The following ARRB1 variants were observed in gnomAD, a reference collection of about 807,000 sequenced individuals.
ARRB1 encodes the protein arrestin beta 1.
ARRB1 carries 21 observed loss-of-function variants against 56.8 expected under a neutral mutation model. The ratio of observed to expected loss-of-function variants is 0.37; its 90% CI spans 0.26 to 0.53. The LOEUF is 0.53. Ranked by LOEUF, ARRB1 falls within the 20% of genes least tolerant of loss-of-function variation. The probability of loss-of-function intolerance (pLI) is 0.88; values close to 1 mark genes in which losing one functional copy is unlikely to be tolerated. For missense variants in ARRB1, 424 were observed against 553.7 expected (o/e 0.77, Z 2.35); for synonymous variants, 210 against 218.6 (o/e 0.96, Z 0.35).
chr11:75,277,046 C>T, intron 9 of ARRB1, 135 bp from the exon 10 acceptor site: 1 of 804,094 alleles, frequency 1.2e-6, no homozygotes, highest in Non-Finnish European at 2.1e-6. Context: ...CTGCATAAGA[C>T]CACCCCTGTC....
chr11:75,319,996 A>C (rs1947321062), intron 1 of ARRB1, among the ~76,000 whole-genome samples: 1 of 152,022 alleles, frequency 6.6e-6, no homozygotes, highest in Admixed American at 6.6e-5. Flanking sequence ...TTGGCTGTGA[A>C]CTCCCCAGGA....
At chr11:75,315,838 G>A (rs548501908) in intron 1 of ARRB1, among the ~76,000 whole-genome samples, 6 of 152,328 alleles carry the variant, frequency 3.9e-5, no homozygotes, top group East Asian at 1.9e-4. Flanking sequence ...CTGGAACTCC[G>A]TCAGCAGGGC....
intron 12 of ARRB1, 31 bp downstream of exon 12, chr11:75,272,864 C>T (rs1946101322): frequency 1.2e-6 from 2 of 1,612,594 alleles, no homozygotes; most frequent in Non-Finnish European, 1.7e-6. Flanking sequence ...CCTCTGCACT[C>T]CGGGGTCTTG....
intron 8 of ARRB1, 96 bp downstream of exon 8, chr11:75,278,513 A>G: frequency 6.5e-7 from 1 of 1,543,100 alleles, no homozygotes; most frequent in South Asian, 1.2e-5. Flanking sequence ...AGAAGCTCCT[A>G]CCTGAGGCAT....
rs1005139195 is a variant in ARRB1, at chr11:75,287,850, G to A, written c.52-475C>T. Among the ~76,000 whole-genome samples, 9 of 152,306 alleles carry A rather than the reference G, an allele frequency of 5.9e-5. 1 individual carries two copies. Among genetic ancestry groups the A allele is most frequent in the Admixed American group, 2.6e-4 (4 of 15,300 alleles). ...CGGGGATCCACTGATACGAGGACTC[G>A]TTTCCTTTTTCTTAAATAATTTTTT... On this transcript the variant is annotated intron_variant, in intron 2 of 15. Coordinates refer to ENST00000420843, the MANE Select transcript of ARRB1 (RefSeq NM_004041.5).
At chr11:75,294,558 AAAATAAATAAATAAAT>A (rs201799600) in intron 1 of ARRB1, among the ~76,000 whole-genome samples, 6,787 of 133,154 alleles carry the variant, frequency 0.051, 203 homozygotes, top group Middle Eastern at 0.088. Context: ...CTCCGTCTCA[AAAATAAATAAATAAAT>A]AAATAAATAA....
intron 1 of ARRB1, among the ~76,000 whole-genome samples, chr11:75,320,077 T>G (rs1947323361): frequency 6.6e-6 from 1 of 152,056 alleles, no homozygotes; most frequent in South Asian, 2.1e-4. Flanking sequence ...CCTGGAGTGG[T>G]CCTGCAGCCT....
chr11:75,281,874 G>A (rs1181488217), intron 6 of ARRB1, 88 bp downstream of exon 6: 15 of 1,369,010 alleles, frequency 1.1e-5, no homozygotes, highest in Non-Finnish European at 1.4e-5. Context: ...GTGGTCCTGT[G>A]TGTCCAGCAC....
At chr11:75,348,235 C>G (rs1947801394) in intron 1 of ARRB1, among the ~76,000 whole-genome samples, 1 of 152,206 alleles carries the variant, frequency 6.6e-6, no homozygotes, top group South Asian at 2.1e-4. Context: ...GCACATTCTG[C>G]ACCCTTGGCC....
At chr11:75,327,734 G>A (rs1390689971) in intron 1 of ARRB1, among the ~76,000 whole-genome samples, 1 of 151,846 alleles carries the variant, frequency 6.6e-6, no homozygotes, top group Non-Finnish European at 1.5e-5. Context: ...GATTACAGGC[G>A]TTCACCACCA....
At chr11:75,317,020 C>T (rs1340301743) in intron 1 of ARRB1, among the ~76,000 whole-genome samples, 1 of 152,116 alleles carries the variant, frequency 6.6e-6, no homozygotes, top group Admixed American at 6.5e-5. Context: ...CAGCCGAGAT[C>T]GAGCTACTAC....
At chr11:75,332,382 C>T (rs866514593) in intron 1 of ARRB1, among the ~76,000 whole-genome samples, 5 of 152,274 alleles carry the variant, frequency 3.3e-5, no homozygotes, top group Middle Eastern at 6.8e-3. Flanking sequence ...TCTTTTTCTT[C>T]GAGGCCCTCC....
chr11:75,272,967 C>T lies in ARRB1; in HGVS notation c.926G>A (p.Gly309Asp). 3 of 1,614,042 alleles carry T rather than the reference C, an allele frequency of 1.9e-6. No homozygotes were observed. The highest frequency in any genetic ancestry group is 2.5e-6 in the Non-Finnish European group (3 of 1,179,956). The change falls in exon 12 of 16, where the codon GGT (glycine) becomes GAT (aspartate). Residue 309 changes from glycine to aspartate, a missense_variant. Coordinates refer to ENST00000420843, the MANE Select transcript of ARRB1 (RefSeq NM_004041.5). ...NLASSTLLRE[G>D]ANREILGIIV... ...GATCCCCAGGATCTCACGGTTGGCA[C>T]CTTCCCTCAACCTGCAAAGTGACAC...
At chr11:75,293,114 G>A (rs751191906) in intron 1 of ARRB1, among the ~76,000 whole-genome samples, 2 of 152,088 alleles carry the variant, frequency 1.3e-5, no homozygotes, top group Admixed American at 6.5e-5. Context: ...GGCCAGCAGT[G>A]GGGAATGACC....
intron 1 of ARRB1, among the ~76,000 whole-genome samples, chr11:75,310,409 A>T (rs1640418041): frequency 6.6e-6 from 1 of 152,170 alleles, no homozygotes; most frequent in African/African-American, 2.4e-5. Context: ...AAAGTCTAGC[A>T]GGGGGGAAAA....
chr11:75,261,041 T>A lies in ARRB1; in HGVS notation c.*5122A>T, dbSNP rs990128093. ...TCCTCAGTGGGGGATTGAGCCTGTT[T>A]CCTTGCTCCAGAGCTCCCCATGCTT... On this transcript the variant is annotated 3_prime_UTR_variant, in exon 16 of 16. Coordinates refer to ENST00000420843, the MANE Select transcript of ARRB1 (RefSeq NM_004041.5). The A allele has an allele frequency of 2.6e-5, 4 of 152,288 alleles. No homozygotes were observed. Among genetic ancestry groups the A allele is most frequent in the Non-Finnish European group, 5.9e-5 (4 of 68,116 alleles). The allele number at this position is 152,288 out of a possible 1,614,324, so 9.4% of individuals were successfully genotyped here.
Position 75,278,495 on chromosome 11 carries a change from C to T in ARRB1, c.618+114G>A, listed in dbSNP as rs1946249939. On this transcript the variant is annotated intron_variant, in intron 8 of 15. Coordinates refer to ENST00000420843, the MANE Select transcript of ARRB1 (RefSeq NM_004041.5). ...TTCCCTGACCCCTGTGGTCCTTGGG[C>T]TGGGGATAGAAGCTCCTACCTGAGG... 8 of 1,449,198 alleles carry T rather than the reference C, an allele frequency of 5.5e-6. No homozygotes were observed. In the Admixed American group the frequency reaches 1.8e-4, roughly 32 times the overall value. 89.8% of individuals were successfully genotyped at this position (1,449,198 alleles called of 1,614,324 possible).
chr11:75,269,290 G>A, intron 13 of ARRB1: 1 of 479,636 alleles, frequency 2.1e-6, no homozygotes, highest in South Asian at 1.7e-5. Flanking sequence ...CTCCAGAGGT[G>A]CCCTGGGACC....
chr11:75,292,922 G>A (rs781304327), intron 1 of ARRB1, among the ~76,000 whole-genome samples: 4 of 152,292 alleles, frequency 2.6e-5, no homozygotes, highest in South Asian at 2.1e-4. Flanking sequence ...CAAGCCAGGG[G>A]CTCGGTCAGG....
Sources: allele counts gnomAD v4.1 joint callset (sites outside exome capture counted in the v4.1 genomes callset), GRCh38; gene constraint gnomAD v4.1.1; transcripts MANE v1.5; gene names NCBI Gene and HGNC (gene_info 2026-07-23, HGNC 2026-07-21).